CEP295: variants seen among roughly 807,000 people sequenced by gnomAD.
CEP295 encodes the protein centrosomal protein of 295 kDa.
A neutral mutation model predicts 291.6 loss-of-function variants in CEP295; 190 were observed. That is an observed-to-expected ratio of 0.65 (90% CI 0.58 to 0.73). The LOEUF is 0.73. CEP295 is among the 30% of genes least tolerant of loss of function. The probability of loss-of-function intolerance (pLI) is 0.00; values close to 1 mark genes in which losing one functional copy is unlikely to be tolerated. For missense variants in CEP295, 2,863 were observed against 2,949.4 expected (o/e 0.97, Z 0.68); for synonymous variants, 993 against 1,038.8 (o/e 0.96, Z 0.85).
Position 93,707,564 on chromosome 11 carries a change from C to T in CEP295, c.5749+667C>T, listed in dbSNP as rs78709712. ...AGATCATGAGGTCAGAAGATTGAGA[C>T]CACGGCTAACACCGTGAAACCCTGT... On this transcript the variant is annotated intron_variant, in intron 18 of 29. Transcript: ENST00000325212. Among the ~76,000 whole-genome samples the T allele has an allele frequency of 7.9e-3, 1,207 of 152,024 alleles. 21 individuals are homozygous for T. Among genetic ancestry groups the T allele is most frequent in the East Asian group, 0.053 (272 of 5,172 alleles).
At position 93,696,346 on chromosome 11, in the gene CEP295, T is replaced by C; in HGVS notation, c.1698T>C (p.Pro566=). The change falls in exon 14 of 30, where the codon CCT becomes CCC. Residue 566 remains proline (P), a synonymous_variant. Transcript: ENST00000325212. ...TTGGCATTGCTCCAGCATCATGCCC[T>C]GTAATTTCTGATGAAGATAGTCATA... ...TGVGIAPASC[P]VISDEDSHRQ... is the part of the protein sequence containing the mutation. 1 of 1,550,410 alleles carries C rather than the reference T, an allele frequency of 6.4e-7. No homozygotes were observed. Among genetic ancestry groups the C allele is most frequent in the Admixed American group, 2.0e-5 (1 of 50,890 alleles).
chr11:93,697,101 CTGAGACACTT>C lies in CEP295; in HGVS notation c.2191_2200del (p.Glu731GlnfsTer10), dbSNP rs1186774629. 6.4e-7 allele frequency: 1 copy of C among 1,551,544 alleles called. No individual in the cohort carries two copies. The highest frequency in any genetic ancestry group is 2.4e-5 in the East Asian group (1 of 40,926). On this transcript the variant is annotated frameshift_variant, in exon 15 of 30. Coordinates refer to ENST00000325212, the MANE Select transcript of CEP295 (RefSeq NM_033395.2). LOFTEE classifies it high-confidence loss of function. ...GACTATAAATTGGTCCCCAAAGATT[CTGAGACACTT>C]TCAAGGGCTTTGTCACATGACAGGC...
chr11:93,700,807 G>A (rs946157123), intron 15 of CEP295, among the ~76,000 whole-genome samples: 2 of 152,130 alleles, frequency 1.3e-5, no homozygotes, highest in African/African-American at 4.8e-5. Context: ...AAAATAACTG[G>A]TTAGCAGAAT....
At chr11:93,662,735 G>C (rs1950043771) in intron 1 of CEP295, among the ~76,000 whole-genome samples, 1 of 152,176 alleles carries the variant, frequency 6.6e-6, no homozygotes, top group South Asian at 2.1e-4. Flanking sequence ...GTCATCAATG[G>C]ATACTAACGT....
Position 93,729,660 on chromosome 11 carries a change from A to G in CEP295, c.7446A>G (p.Ala2482=). The G allele has an allele frequency of 6.4e-7, 1 of 1,551,050 alleles. No homozygotes were observed. Among genetic ancestry groups the G allele is most frequent in the Admixed American group, 2.0e-5 (1 of 50,870 alleles). ...CTGTACCAGGGAGCTTACAAGAAGC[A>G]TTTATAAAGAGGAAAAAATCATTTA... ...LTPVPGSLQE[A]FIKRKKSFME... Residue 2482 remains alanine (A), a synonymous_variant, in exon 27 of 30, where the codon GCA becomes GCG. Transcript: ENST00000325212.
rs766328393 is a variant in CEP295 at position 93,721,980 on chromosome 11, A to T, written c.5877A>T (p.Leu1959Phe). Reference protein sequence around the residue: ...DKAKTLSYEPLSSATVSTGSL... With the variant: ...DKAKTLSYEPFSSATVSTGSL... ...CTAAAACACTGTCTTATGAACCATT[A>T]TCTTCAGCAACTGTTTCCACTGGGA... The change falls in exon 20 of 30, where the codon TTA becomes TTT. Residue 1959 changes from leucine (L) to phenylalanine (F), a missense_variant. Physicochemically the swap from Leu to Phe is conservative, Grantham distance 22. Transcript: ENST00000325212. 3 of 1,600,066 alleles carry T rather than the reference A, an allele frequency of 1.9e-6. No individual in the cohort carries two copies. The highest frequency in any genetic ancestry group is 1.7e-4 in the Middle Eastern group (1 of 6,046).
At chr11:93,728,590 C>A in intron 24 of CEP295, 91 bp from the exon 25 acceptor site, 1 of 1,160,920 alleles carries the variant, frequency 8.6e-7, no homozygotes, top group Non-Finnish European at 1.2e-6. Flanking sequence ...TTTATATACA[C>A]TTGCAAAAAA....
intron 5 of CEP295, among the ~76,000 whole-genome samples, chr11:93,671,965 G>A (rs1590972100): frequency 6.6e-6 from 1 of 152,322 alleles, no homozygotes; most frequent in South Asian, 2.1e-4. Context: ...ACATGGTGAA[G>A]AGAATTGATA....
intron 12 of CEP295, among the ~76,000 whole-genome samples, chr11:93,693,481 T>G (rs1044634335): frequency 3.9e-5 from 6 of 152,230 alleles, no homozygotes; most frequent in Non-Finnish European, 2.9e-5. Context: ...TCAGGCCAGG[T>G]GCAGTGGCTC....
At chr11:93,728,594 C>CA in intron 24 of CEP295, 87 bp from the exon 25 acceptor site, 2 of 1,215,144 alleles carry the variant, frequency 1.6e-6, no homozygotes, top group Non-Finnish European at 1.1e-6. Context: ...TATACACTTG[C>CA]AAAAAATGTG....
intron 5 of CEP295, among the ~76,000 whole-genome samples, chr11:93,674,617 C>T (rs1331575480): frequency 2.0e-5 from 3 of 152,256 alleles, no homozygotes; most frequent in East Asian, 1.9e-4. Flanking sequence ...TATGGTATAG[C>T]GATAGCTATA....
intron 15 of CEP295, among the ~76,000 whole-genome samples, chr11:93,701,649 G>A (rs150709947): frequency 0.013 from 1,976 of 152,278 alleles, 42 homozygotes; most frequent in East Asian, 0.053. Context: ...CTGTCACCAG[G>A]CTGGAGTGCC....
At chr11:93,707,617 G>A (rs1030116576) in intron 18 of CEP295, among the ~76,000 whole-genome samples, 6 of 151,970 alleles carry the variant, frequency 3.9e-5, no homozygotes, top group Non-Finnish European at 7.4e-5. Context: ...AAAATTGGCC[G>A]GGTGTAGTGG....
chr11:93,678,332 CT>C (rs1428271048), intron 6 of CEP295, among the ~76,000 whole-genome samples: 2 of 151,914 alleles, frequency 1.3e-5, no homozygotes, highest in Non-Finnish European at 2.9e-5. Flanking sequence ...CTTTTTTTGT[CT>C]TACCTGATGT....
Position 93,697,451 on chromosome 11 carries a change from A to G in CEP295, c.2539A>G (p.Met847Val), listed in dbSNP as rs1364108846. The change falls in exon 15 of 30, where the codon ATG becomes GTG. Residue 847 changes from methionine to valine, a missense_variant. Met to Val is a conservative substitution (Grantham distance 21). Transcript: ENST00000325212. ...GAATATCACAGCCCAGCAAGGTAAT[A>G]TGAAGGCCCTCCAAGAACAGTTAGA... ...SENITAQQGN[M>V]KALQEQLDLQ... The G allele has an allele frequency of 1.3e-6, 2 of 1,552,192 alleles. No individual in the cohort carries two copies. The highest frequency in any genetic ancestry group is 1.4e-5 in the African/African-American group (1 of 73,184).
chr11:93,696,565 T>C, intron 14 of CEP295, 117 bp from the exon 15 acceptor site: 5 of 1,098,118 alleles, frequency 4.6e-6, no homozygotes, highest in Non-Finnish European at 6.4e-6. Context: ...GAGTGTAATT[T>C]CTTTTCACCA....
rs1951939035 is a variant in CEP295, at chr11:93,697,999, T to C, written c.3087T>C (p.Leu1029=). 4 of 1,551,600 alleles carry C rather than the reference T, an allele frequency of 2.6e-6. No homozygotes were observed. The highest frequency in any genetic ancestry group is 2.6e-6 in the Non-Finnish European group (3 of 1,146,990). ...ATTCATCTAAGAGCGAGAAAGGACT[T>C]GTTTCATGCCAATCTGACATCCCCA... is the stretch of plus-strand genomic sequence containing the variant. ...EQHSSKSEKG[L]VSCQSDIPIS... Residue 1029 remains leucine, a synonymous_variant, in exon 15 of 30, where the codon CTT becomes CTC. Coordinates refer to ENST00000325212, the MANE Select transcript of CEP295 (RefSeq NM_033395.2).
At chr11:93,663,949 C>G (rs1366936122) in intron 1 of CEP295, among the ~76,000 whole-genome samples, 1 of 151,946 alleles carries the variant, frequency 6.6e-6, no homozygotes, top group Non-Finnish European at 1.5e-5. Flanking sequence ...TTTTCAGTAC[C>G]CCAGCAAGCT....
intron 22 of CEP295, among the ~76,000 whole-genome samples, chr11:93,725,367 A>G (rs1335181072): frequency 6.6e-6 from 1 of 152,210 alleles, no homozygotes; most frequent in East Asian, 1.9e-4. Flanking sequence ...GAACATATTT[A>G]AACAGTAAAG....
Sources: gnomAD v4.1 joint callset for allele counts (sites outside exome capture counted in the v4.1 genomes callset) on GRCh38, gnomAD v4.1.1 for gene constraint, MANE v1.5 for transcripts, NCBI Gene and HGNC (gene_info 2026-07-23, HGNC 2026-07-21) for gene names.